The following TIAM1 variants were observed in gnomAD, a reference collection of about 807,000 sequenced individuals.
TIAM1 encodes the protein TIAM Rac1 associated GEF 1.
Under a neutral mutation model 163.5 loss-of-function variants are expected in TIAM1, and 65 were observed. That is an observed-to-expected ratio of 0.40 (90% CI 0.33 to 0.49). The LOEUF is 0.49. Among genes scored for constraint, TIAM1 ranks in the 20% least tolerant of loss-of-function variants. The pLI is 0.77. For missense variants in TIAM1, 1,789 were observed against 2,044.7 expected, an observed-to-expected ratio of 0.87 and a Z score of 2.41; for synonymous variants, 833 against 810.1, an observed-to-expected ratio of 1.03 and a Z score of -0.48.
At chr21:31,309,208 A>G (rs1446887053) in intron 2 of TIAM1, among the ~76,000 whole-genome samples, 1 of 152,230 alleles carries the variant, frequency 6.6e-6, no homozygotes, top group Non-Finnish European at 1.5e-5. Context: ...CTGTAATCCC[A>G]GCACTTTGGG....
chr21:31,467,185 AAGTG>A (rs1381526262), intron 1 of TIAM1, among the ~76,000 whole-genome samples: 11 of 152,348 alleles, frequency 7.2e-5, no homozygotes, highest in Non-Finnish European at 1.6e-4. Context: ...TTTAAAGATT[AAGTG>A]GGCGTGGTGG....
intron 1 of TIAM1, among the ~76,000 whole-genome samples, chr21:31,465,953 G>A (rs1428615280): frequency 3.3e-5 from 5 of 151,986 alleles, no homozygotes; most frequent in Non-Finnish European, 5.9e-5. Flanking sequence ...TGATCCGCCC[G>A]CCTCGGCCTC....
chr21:31,320,354 A>G (rs1210918029), intron 2 of TIAM1, among the ~76,000 whole-genome samples: 1 of 152,140 alleles, frequency 6.6e-6, no homozygotes, highest in African/African-American at 2.4e-5. Flanking sequence ...TCTGTTTGGG[A>G]TGATGAAAAA....
chr21:31,171,035 CAAAA>C (rs34291568), intron 15 of TIAM1, among the ~76,000 whole-genome samples: 1 of 19,568 alleles, frequency 5.1e-5, no homozygotes, highest in African/African-American at 1.0e-4. Context: ...GACTCCATCT[CAAAA>C]AAAAAAAAAA....
chr21:31,421,353 G>A (rs550059200), intron 2 of TIAM1, among the ~76,000 whole-genome samples: 2 of 152,260 alleles, frequency 1.3e-5, no homozygotes, highest in African/African-American at 4.8e-5. Flanking sequence ...CCATAGAGCA[G>A]GGGTCCCTAA....
In TIAM1 at chr21:31,358,182, G is replaced by C. The variant is rs2076347195; in HGVS notation, c.-368-18760C>G. On this transcript the variant is annotated intron_variant, in intron 2 of 28. Transcript: ENST00000286827. Reference sequence around the variant, plus strand: ...TAGGCCATATCTGGTGACTGAATGAGGCAGGGATAAAGGACTGGTCATATC... The same window carrying C: ...TAGGCCATATCTGGTGACTGAATGACGCAGGGATAAAGGACTGGTCATATC... Among the ~76,000 whole-genome samples, 4 of 152,300 alleles carry C rather than the reference G, an allele frequency of 2.6e-5. No homozygotes were observed. The South Asian group carries it at 8.3e-4, about 32-fold the overall frequency.
chr21:31,315,692 A>G (rs2075097201), intron 2 of TIAM1, among the ~76,000 whole-genome samples: 1 of 147,828 alleles, frequency 6.8e-6, no homozygotes. Flanking sequence ...AAAAAAAAAA[A>G]AAAAAAAGGA....
At chr21:31,270,725 T>C (rs1440592201) in intron 3 of TIAM1, among the ~76,000 whole-genome samples, 5 of 152,224 alleles carry the variant, frequency 3.3e-5, no homozygotes, top group African/African-American at 1.2e-4. Flanking sequence ...TTTTGCAATT[T>C]TGGTTTTTTT....
chr21:31,403,915 T>C (rs548635345), intron 2 of TIAM1, among the ~76,000 whole-genome samples: 5 of 152,186 alleles, frequency 3.3e-5, no homozygotes, highest in South Asian at 2.1e-4. Flanking sequence ...CAGAGGCTAA[T>C]TGGAAGTCTC....
chr21:31,374,165 C>T (rs1374092983), intron 2 of TIAM1, among the ~76,000 whole-genome samples: 2 of 152,024 alleles, frequency 1.3e-5, no homozygotes, highest in Non-Finnish European at 2.9e-5. Context: ...CAGTGCTTGG[C>T]GCTGTGAAGA....
At chr21:31,188,647 T>C (rs559934289) in intron 13 of TIAM1, among the ~76,000 whole-genome samples, 144 of 152,308 alleles carry the variant, frequency 9.5e-4, no homozygotes, top group Non-Finnish European at 1.4e-3. Context: ...TGATCATAGC[T>C]CATTGTAGCT....
intron 2 of TIAM1, among the ~76,000 whole-genome samples, chr21:31,372,581 G>A (rs1156827916): frequency 6.6e-6 from 1 of 152,206 alleles, no homozygotes; most frequent in Non-Finnish European, 1.5e-5. Context: ...GAGGTGAAGA[G>A]AAGATGTGGA....
intron 6 of TIAM1, among the ~76,000 whole-genome samples, chr21:31,235,921 C>T (rs1164821011): frequency 2.0e-5 from 3 of 152,234 alleles, no homozygotes; most frequent in Non-Finnish European, 2.9e-5. Flanking sequence ...CATCCACATT[C>T]TCCATTAATA....
At chr21:31,454,873 C>T (rs2045030232) in intron 2 of TIAM1, among the ~76,000 whole-genome samples, 1 of 152,152 alleles carries the variant, frequency 6.6e-6, no homozygotes, top group African/African-American at 2.4e-5. Flanking sequence ...CCCCAATAAG[C>T]AGGGAGCACA....
At chr21:31,165,559 C>T (rs541900707) in intron 15 of TIAM1, among the ~76,000 whole-genome samples, 1 of 152,044 alleles carries the variant, frequency 6.6e-6, no homozygotes, top group Admixed American at 6.6e-5. Flanking sequence ...TTGGTTAGTA[C>T]CCAGATGATG....
intron 2 of TIAM1, among the ~76,000 whole-genome samples, chr21:31,361,075 A>G (rs1358159147): frequency 1.3e-5 from 2 of 152,210 alleles, no homozygotes; most frequent in African/African-American, 4.8e-5. Context: ...AAAAAAGTCC[A>G]TTGTAGCACT....
intron 11 of TIAM1, among the ~76,000 whole-genome samples, chr21:31,204,781 TAAAA>T (rs2086364970): frequency 6.6e-6 from 1 of 152,234 alleles, no homozygotes; most frequent in Non-Finnish European, 1.5e-5. Context: ...TGCATTCTTG[TAAAA>T]GCACATTTCC....
intron 2 of TIAM1, among the ~76,000 whole-genome samples, chr21:31,402,229 C>G (rs139468919): frequency 6.0e-4 from 91 of 151,804 alleles, no homozygotes; most frequent in African/African-American, 2.1e-3. Flanking sequence ...ACAACAACAA[C>G]AAAAAATTGG....
Position 31,365,146 on chromosome 21 carries a change from C to T in TIAM1, c.-368-25724G>A, listed in dbSNP as rs76668556. On this transcript the variant is annotated intron_variant, in intron 2 of 28. Transcript: ENST00000286827. Reference sequence around the variant, plus strand: ...ATTTGGCCCTCAGGCCAGAATTCAACGACCCCAGATCTAGTCTCCAAACAC... The same window carrying T: ...ATTTGGCCCTCAGGCCAGAATTCAATGACCCCAGATCTAGTCTCCAAACAC... Among the ~76,000 whole-genome samples the T allele has an allele frequency of 7.0e-3, 1,063 of 152,194 alleles. 9 individuals are homozygous for T. The highest frequency in any genetic ancestry group is 0.023 in the African/African-American group (967 of 41,526).
Sources: allele counts gnomAD v4.1 joint callset (sites outside exome capture counted in the v4.1 genomes callset), GRCh38; gene constraint gnomAD v4.1.1; transcripts MANE v1.5; gene names NCBI Gene and HGNC (gene_info 2026-07-23, HGNC 2026-07-21).